Variants in SPAG16 observed in about 807,000 individuals in gnomAD.
The protein encoded by SPAG16 is sperm-associated antigen 16 protein.
Under a neutral mutation model 80.4 loss-of-function variants are expected in SPAG16, and 86 were observed. The ratio of observed to expected loss-of-function variants is 1.07; its 90% confidence interval spans 0.90 to 1.28. The LOEUF (loss-of-function observed/expected upper bound fraction) is 1.28. Among genes scored for constraint, SPAG16 ranks in the 50% most tolerant of loss-of-function variants. SPAG16 has a pLI of 0.00. For missense variants in SPAG16, 870 were observed against 765.3 expected, an observed-to-expected ratio of 1.14 and a Z score of -1.61; for synonymous variants, 294 against 265.9, an observed-to-expected ratio of 1.11 and a Z score of -1.03.
chr2:213,528,644 G>A (rs2075968498), intron 10 of SPAG16, among the ~76,000 whole-genome samples: 1 of 152,222 alleles, frequency 6.6e-6, no homozygotes. Flanking sequence ...TTGACAGCCT[G>A]AGCAAGCTGG....
rs723621 is a variant in SPAG16 at position 213,300,561 on chromosome 2, T to C, written c.279+3204T>C. 4.2e-3 allele frequency among the ~76,000 whole-genome samples: 643 copies of C among 152,192 alleles called. 6 individuals are homozygous for C. Among genetic ancestry groups the C allele is most frequent in the African/African-American group, 0.015 (610 of 41,530 alleles). On this transcript the variant is annotated intron_variant, in intron 3 of 15. Transcript: ENST00000331683. Reference sequence around the variant, plus strand: ...ACAACAGGTCAAATGCAGAAAAAAATATGGGGATCTAGCTGTTCCTCTAAA... The same window carrying C: ...ACAACAGGTCAAATGCAGAAAAAAACATGGGGATCTAGCTGTTCCTCTAAA...
At chr2:213,873,052 A>G (rs537374752) in intron 11 of SPAG16, among the ~76,000 whole-genome samples, 7 of 152,202 alleles carry the variant, frequency 4.6e-5, no homozygotes, top group South Asian at 2.1e-4. Flanking sequence ...AGGTTTTGGT[A>G]TTAGAACAAT....
intron 10 of SPAG16, among the ~76,000 whole-genome samples, chr2:213,798,306 T>C (rs1370555713): frequency 6.6e-6 from 1 of 152,204 alleles, no homozygotes; most frequent in Non-Finnish European, 1.5e-5. Flanking sequence ...CAGGCTGGAA[T>C]GCAGTGGCAC....
intron 13 of SPAG16, among the ~76,000 whole-genome samples, chr2:214,090,437 G>A (rs75854726): frequency 0.087 from 13,142 of 151,766 alleles, 739 homozygotes; most frequent in East Asian, 0.28. Context: ...CTCAGAGAGA[G>A]GCACCTTCAC....
At chr2:213,677,345 C>G (rs552988543) in intron 10 of SPAG16, among the ~76,000 whole-genome samples, 25 of 152,094 alleles carry the variant, frequency 1.6e-4, no homozygotes, top group Non-Finnish European at 3.4e-4. Flanking sequence ...GAGTCAAGAC[C>G]CATCAGTGTG....
intron 15 of SPAG16, among the ~76,000 whole-genome samples, chr2:214,367,949 G>T (rs1031020139): frequency 5.3e-5 from 8 of 152,052 alleles, no homozygotes; most frequent in Non-Finnish European, 1.0e-4. Context: ...ATATCTTGAA[G>T]GTTAGAATAA....
chr2:214,318,868 G>A (rs970862725), intron 15 of SPAG16, among the ~76,000 whole-genome samples: 42 of 152,182 alleles, frequency 2.8e-4, no homozygotes, highest in Admixed American at 1.4e-3. Flanking sequence ...GCCAGAACCC[G>A]AGCTGAAGTA....
chr2:214,207,239 C>T (rs1043365269), intron 15 of SPAG16, among the ~76,000 whole-genome samples: 1 of 152,078 alleles, frequency 6.6e-6, no homozygotes, highest in East Asian at 1.9e-4. Flanking sequence ...CAGGTAGGGT[C>T]CACCCAGTTC....
At chr2:213,986,529 G>A (rs978978735) in intron 12 of SPAG16, among the ~76,000 whole-genome samples, 1 of 151,868 alleles carries the variant, frequency 6.6e-6, no homozygotes, top group Non-Finnish European at 1.5e-5. Context: ...TATATTTTAA[G>A]TAAAAGGAAA....
intron 10 of SPAG16, among the ~76,000 whole-genome samples, chr2:213,543,929 A>G (rs889143065): frequency 2.6e-5 from 4 of 152,108 alleles, no homozygotes; most frequent in Non-Finnish European, 4.4e-5. Flanking sequence ...TTATTGATGC[A>G]TATGGTAAAA....
chr2:213,861,522 T>C (rs2075462680), intron 10 of SPAG16, among the ~76,000 whole-genome samples: 1 of 152,220 alleles, frequency 6.6e-6, no homozygotes, highest in Non-Finnish European at 1.5e-5. Flanking sequence ...CATTGGCAAG[T>C]AAATGTATTA....
At chr2:214,249,080 A>T (rs1690060547) in intron 15 of SPAG16, among the ~76,000 whole-genome samples, 1 of 152,172 alleles carries the variant, frequency 6.6e-6, no homozygotes, top group African/African-American at 2.4e-5. Flanking sequence ...GATTGATAGC[A>T]CCCTCTGAAG....
intron 15 of SPAG16, among the ~76,000 whole-genome samples, chr2:214,177,498 G>T (rs377369808): frequency 7.3e-5 from 11 of 150,966 alleles, no homozygotes; most frequent in Middle Eastern, 3.4e-3. Flanking sequence ...GGCAAACCCT[G>T]ATTCATTCTT....
intron 10 of SPAG16, among the ~76,000 whole-genome samples, chr2:213,552,578 T>C (rs1383261346): frequency 6.6e-6 from 1 of 152,232 alleles, no homozygotes; most frequent in Non-Finnish European, 1.5e-5. Context: ...ATTTATTCAT[T>C]TCAAAAACAT....
intron 9 of SPAG16, among the ~76,000 whole-genome samples, chr2:213,388,385 G>C (rs568564350): frequency 6.6e-6 from 1 of 152,068 alleles, no homozygotes; most frequent in Non-Finnish European, 1.5e-5. Flanking sequence ...TCCCACCTTC[G>C]TTTTTCTCAT....
chr2:214,385,317 A>G (rs991439047), intron 15 of SPAG16, among the ~76,000 whole-genome samples: 2 of 152,240 alleles, frequency 1.3e-5, no homozygotes, highest in Admixed American at 6.5e-5. Context: ...CTTGATATAT[A>G]TAAAGCACCT....
At chr2:213,889,893 T>G (rs1202620457) in intron 11 of SPAG16, among the ~76,000 whole-genome samples, 1 of 151,780 alleles carries the variant, frequency 6.6e-6, no homozygotes, top group Non-Finnish European at 1.5e-5. Flanking sequence ...CATTGTAAAG[T>G]GTTTTGTACC....
At chr2:213,409,006 G>T (rs10197091) in intron 9 of SPAG16, among the ~76,000 whole-genome samples, 2 of 151,474 alleles carry the variant, frequency 1.3e-5, no homozygotes, top group Non-Finnish European at 2.9e-5. Flanking sequence ...AAGGAAGTTC[G>T]CTTTGAAAAA....
At chr2:214,066,580 A>G (rs1358274709) in intron 13 of SPAG16, among the ~76,000 whole-genome samples, 1 of 152,182 alleles carries the variant, frequency 6.6e-6, no homozygotes, top group African/African-American at 2.4e-5. Context: ...TGGCTCATGT[A>G]AGTGTTTCTC....
Sources: gnomAD v4.1 joint callset for allele counts (sites outside exome capture counted in the v4.1 genomes callset) on GRCh38, gnomAD v4.1.1 for gene constraint, MANE v1.5 for transcripts, NCBI Gene and HGNC (gene_info 2026-07-23, HGNC 2026-07-21) for gene names.